Variants in SNX6 observed in about 807,000 individuals in gnomAD.
SNX6 encodes the protein sorting nexin-6.
SNX6 carries 34 observed loss-of-function variants against 63.0 expected under a neutral mutation model. The ratio of observed to expected loss-of-function variants is 0.54; its 90% confidence interval spans 0.41 to 0.72. The LOEUF is 0.72. Ranked by LOEUF, SNX6 falls within the 30% of genes least tolerant of loss-of-function variation. The pLI is 0.00. For synonymous variants in SNX6, 170 were observed against 164.2 expected (o/e 1.04, Z -0.27); for missense variants, 398 against 471.4 (o/e 0.84, Z 1.44).
chr14:34,627,415 C>T (rs1044854213), intron 2 of SNX6, among the ~76,000 whole-genome samples: 4 of 151,296 alleles, frequency 2.6e-5, no homozygotes, highest in African/African-American at 9.8e-5. Flanking sequence ...CCACTGCAGT[C>T]GGGCCTTCGG....
intron 2 of SNX6, among the ~76,000 whole-genome samples, chr14:34,626,184 G>A (rs925920461): frequency 6.6e-6 from 1 of 152,080 alleles, no homozygotes; most frequent in African/African-American, 2.4e-5. Flanking sequence ...AGTTCCACGG[G>A]ACAAAAATAA....
intron 7 of SNX6, among the ~76,000 whole-genome samples, chr14:34,596,622 A>G (rs1449208343): frequency 6.7e-5 from 4 of 60,108 alleles, no homozygotes; most frequent in Non-Finnish European, 1.3e-4. Flanking sequence ...CTATCTCAGG[A>G]AAAAAAAAAA....
At chr14:34,618,738 T>G (rs1372034331) in intron 2 of SNX6, among the ~76,000 whole-genome samples, 1 of 152,072 alleles carries the variant, frequency 6.6e-6, no homozygotes, top group Admixed American at 6.6e-5. Flanking sequence ...TGCCCCCAGA[T>G]ACGTATCTGC....
At chr14:34,587,033 A>C (rs1341988746) in intron 8 of SNX6, among the ~76,000 whole-genome samples, 15 of 129,064 alleles carry the variant, frequency 1.2e-4, no homozygotes, top group Non-Finnish European at 2.1e-4. Context: ...AAAAAAAAAA[A>C]CAACTGGAAA....
At position 34,571,023 on chromosome 14, in the gene SNX6, C is replaced by T. The variant is rs375651744; in HGVS notation, c.922-3010G>A. 3.7e-3 allele frequency among the ~76,000 whole-genome samples: 565 copies of T among 151,872 alleles called. 4 individuals carry two copies. Among genetic ancestry groups the T allele is most frequent in the African/African-American group, 0.012 (510 of 41,444 alleles). The stretch of plus-strand genomic sequence containing the variant: ...CAGACGTCAGCCACCGCACCTGGCC[C>T]CAGCCTTCTCTTTTTATTAAGAGTT... On this transcript the variant is annotated intron_variant, in intron 11 of 13. Coordinates refer to ENST00000362031, the MANE Select transcript of SNX6 (RefSeq NM_152233.4).
chr14:34,605,495 T>C, intron 5 of SNX6, 101 bp downstream of exon 5: 3 of 933,196 alleles, frequency 3.2e-6, no homozygotes, highest in South Asian at 1.8e-5. Context: ...GGTTTAATGA[T>C]GGGATATCAG....
intron 10 of SNX6, 80 bp from the exon 11 acceptor site, chr14:34,575,922 G>GT (rs1382665388): frequency 4.2e-5 from 29 of 696,476 alleles, no homozygotes; most frequent in South Asian, 7.3e-5. Flanking sequence ...TGTTGTTGTT[G>GT]TTTTTTTGTT....
intron 11 of SNX6, chr14:34,568,652 A>G: frequency 1.3e-6 from 1 of 777,376 alleles, no homozygotes; most frequent in Non-Finnish European, 2.1e-6. Context: ...TTTTTTTTTA[A>G]CGAATGAGGC....
At chr14:34,614,648 T>G (rs1298637332) in intron 2 of SNX6, among the ~76,000 whole-genome samples, 1 of 152,198 alleles carries the variant, frequency 6.6e-6, no homozygotes, top group Non-Finnish European at 1.5e-5. Context: ...CCAGCCAAGG[T>G]GGCTCACGCG....
chr14:34,597,190 A>G (rs1398560072), intron 7 of SNX6, among the ~76,000 whole-genome samples: 1 of 152,010 alleles, frequency 6.6e-6, no homozygotes, highest in Non-Finnish European at 1.5e-5. Flanking sequence ...CCCCTTAACC[A>G]CTCATGGAAT....
chr14:34,608,637 A>T (rs1883109523), intron 3 of SNX6, among the ~76,000 whole-genome samples: 1 of 152,206 alleles, frequency 6.6e-6, no homozygotes, highest in African/African-American at 2.4e-5. Flanking sequence ...CAGTTACTTA[A>T]AAGTTATGTC....
At position 34,569,974 on chromosome 14, in the gene SNX6, C is replaced by T. The variant is rs141755093; in HGVS notation, c.922-1961G>A. ...ACTGCCATATGGTTTTCCATAGTGG[C>T]TGAACATTTTACATTCCTACCAACA... On this transcript the variant is annotated intron_variant, in intron 11 of 13. Transcript: ENST00000362031. Among the ~76,000 whole-genome samples, 4 of 152,228 alleles carry T rather than the reference C, an allele frequency of 2.6e-5. 1 individual carries two copies. The highest frequency in any genetic ancestry group is 9.6e-5 in the African/African-American group (4 of 41,548).
intron 11 of SNX6, among the ~76,000 whole-genome samples, chr14:34,573,656 C>T (rs1451035655): frequency 4.7e-5 from 7 of 148,050 alleles, no homozygotes; most frequent in Admixed American, 1.3e-4. Flanking sequence ...TTATTTTTTT[C>T]GAGACGGAGT....
intron 6 of SNX6, among the ~76,000 whole-genome samples, chr14:34,601,219 CTTTTTTTTTTT>C (rs77009422): frequency 0.03 from 4,277 of 142,486 alleles, 229 homozygotes; most frequent in African/African-American, 0.11. Context: ...AACCCTATTT[CTTTTTTTTTTT>C]TTTTTTTTTT....
intron 11 of SNX6, among the ~76,000 whole-genome samples, chr14:34,574,318 A>G (rs1327389469): frequency 6.7e-6 from 1 of 150,262 alleles, no homozygotes; most frequent in East Asian, 2.0e-4. Flanking sequence ...CTTGGGTAAC[A>G]GAGCTAGAGT....
intron 9 of SNX6, among the ~76,000 whole-genome samples, chr14:34,582,154 C>A (rs1475181004): frequency 8.0e-6 from 1 of 124,392 alleles, no homozygotes. Flanking sequence ...TTTTTTGAGT[C>A]AGAGTCTGGC....
intron 3 of SNX6, 27 bp from the exon 4 acceptor site, chr14:34,608,167 A>G (rs765018579): frequency 7.2e-7 from 1 of 1,383,640 alleles, no homozygotes; most frequent in Non-Finnish European, 1.0e-6. Context: ...TTTCTTGAAT[A>G]AAAATCAAAT....
rs1373895259 is a variant in SNX6 at position 34,605,712 on chromosome 14, T to C, written c.276A>G (p.Pro92=). Reference sequence around the variant, plus strand: ...CAAAATCAGGTCTTGGTGGTGCTGGTGGAATCTGTAACAGGACCAAATGAC... The same window carrying C: ...CAAAATCAGGTCTTGGTGGTGCTGGCGGAATCTGTAACAGGACCAAATGAC... ...ENEDYAGYII[P]PAPPRPDFDA... Residue 92 remains proline (P), a synonymous_variant, in exon 5 of 14, where the codon CCA becomes CCG. Transcript: ENST00000362031. The C allele has an allele frequency of 1.3e-6, 2 of 1,596,876 alleles. No individual in the cohort carries two copies. The highest frequency in any genetic ancestry group is 2.2e-5 in the East Asian group (1 of 44,708).
chr14:34,605,788 A>C lies in SNX6; in HGVS notation c.271-71T>G, dbSNP rs538985976. On this transcript the variant is annotated intron_variant, in intron 4 of 13. Coordinates refer to ENST00000362031, the MANE Select transcript of SNX6 (RefSeq NM_152233.4). ...TGAAGCATTGTACTACTGCCACCAT[A>C]GAAGACTGTGTCTGGGAAAGCTAAG... 113 of 1,533,686 alleles carry C rather than the reference A, an allele frequency of 7.4e-5. 2 individuals are homozygous for C. In the South Asian group the frequency reaches 1.4e-3, roughly 20 times the overall value.
Sources: allele counts gnomAD v4.1 joint callset (sites outside exome capture counted in the v4.1 genomes callset), GRCh38; gene constraint gnomAD v4.1.1; transcripts MANE v1.5; gene names NCBI Gene and HGNC (gene_info 2026-07-23, HGNC 2026-07-21).